The following NLGN1 variants were observed in gnomAD, a reference collection of about 807,000 sequenced individuals.
NLGN1 encodes neuroligin 1.
In NLGN1, 12 loss-of-function variants were observed where a neutral mutation model predicts 65.5. The observed-to-expected ratio is 0.18, with a 90% CI of 0.12 to 0.30. The LOEUF is 0.30. NLGN1 is among the 10% of genes least tolerant of loss of function. NLGN1 has a pLI of 1.00. For synonymous variants in NLGN1, 350 were observed against 359.5 expected (o/e 0.97, Z 0.30); for missense variants, 750 against 1,007.1 (o/e 0.74, Z 3.46).
chr3:173,660,310 T>C (rs754814656), intron 3 of NLGN1, among the ~76,000 whole-genome samples: 2 of 151,804 alleles, frequency 1.3e-5, no homozygotes, highest in African/African-American at 2.4e-5. Context: ...AGGGGGAAGC[T>C]GGTTATCAAA....
intron 4 of NLGN1, among the ~76,000 whole-genome samples, chr3:174,205,159 A>G (rs1325286360): frequency 6.6e-6 from 1 of 152,194 alleles, no homozygotes; most frequent in African/African-American, 2.4e-5. Context: ...ACATGAAAAT[A>G]CATTGTGGTT....
At chr3:174,112,723 A>G (rs1008063397) in intron 4 of NLGN1, among the ~76,000 whole-genome samples, 11 of 152,112 alleles carry the variant, frequency 7.2e-5, no homozygotes, top group African/African-American at 2.6e-4. Context: ...AGAAGTCCTT[A>G]TTTATAAGCT....
At chr3:174,171,159 A>G (rs1231358264) in intron 4 of NLGN1, among the ~76,000 whole-genome samples, 1 of 152,164 alleles carries the variant, frequency 6.6e-6, no homozygotes, top group Non-Finnish European at 1.5e-5. Flanking sequence ...TGTTTCTGAG[A>G]GTAATAAATC....
intron 3 of NLGN1, among the ~76,000 whole-genome samples, chr3:173,616,188 A>C (rs1213258364): frequency 1.3e-5 from 2 of 152,160 alleles, no homozygotes; most frequent in Admixed American, 6.6e-5. Context: ...AGGCTAATGT[A>C]GTCTATGGGA....
intron 2 of NLGN1, among the ~76,000 whole-genome samples, chr3:173,538,595 G>C (rs925044180): frequency 1.3e-5 from 2 of 152,110 alleles, no homozygotes; most frequent in African/African-American, 4.8e-5. Flanking sequence ...CTACCACTAG[G>C]TAACTGGCTG....
In NLGN1 at chr3:173,794,408, G is replaced by A. The variant is rs888094594; in HGVS notation, c.494-13272G>A. Among the ~76,000 whole-genome samples, 12 of 152,036 alleles carry A rather than the reference G, an allele frequency of 7.9e-5. 1 individual carries two copies. The highest frequency in any genetic ancestry group is 1.0e-4 in the Non-Finnish European group (7 of 68,000). Reference sequence around the variant, plus strand: ...TTAAACAGCTGGATGACAGAATATTGCAACCATGGCAGGGAGGTTGGATTA... The same window carrying A: ...TTAAACAGCTGGATGACAGAATATTACAACCATGGCAGGGAGGTTGGATTA... On this transcript the variant is annotated intron_variant, in intron 3 of 6. Coordinates refer to ENST00000457714, the Ensembl canonical transcript of NLGN1.
At chr3:173,759,602 G>T (rs114757378) in intron 3 of NLGN1, among the ~76,000 whole-genome samples, 2 of 151,976 alleles carry the variant, frequency 1.3e-5, no homozygotes, top group African/African-American at 2.4e-5. Context: ...TATTGGCCAC[G>T]TAGCCATCTA....
At chr3:173,702,728 A>G (rs992631739) in intron 3 of NLGN1, among the ~76,000 whole-genome samples, 3 of 152,158 alleles carry the variant, frequency 2.0e-5, no homozygotes, top group Admixed American at 6.5e-5. Flanking sequence ...AGGTTTGTGG[A>G]TGACACTTCA....
intron 4 of NLGN1, among the ~76,000 whole-genome samples, chr3:173,962,057 C>T (rs886563261): frequency 1.3e-5 from 2 of 152,014 alleles, no homozygotes; most frequent in Non-Finnish European, 2.9e-5. Flanking sequence ...CTTTTTACTT[C>T]ATGGACCTTT....
chr3:174,185,467 T>G (rs1561241494), intron 4 of NLGN1, among the ~76,000 whole-genome samples: 1 of 152,096 alleles, frequency 6.6e-6, no homozygotes, highest in African/African-American at 2.4e-5. Context: ...AAATTAAAAT[T>G]TAAATAACAG....
intron 4 of NLGN1, among the ~76,000 whole-genome samples, chr3:174,139,373 CT>C (rs762857257): frequency 1.9e-4 from 29 of 152,006 alleles, no homozygotes; most frequent in Non-Finnish European, 3.4e-4. Flanking sequence ...CGATACATAG[CT>C]TTTTCTGATT....
intron 4 of NLGN1, among the ~76,000 whole-genome samples, chr3:174,150,605 C>G (rs1724136300): frequency 6.6e-6 from 1 of 152,102 alleles, no homozygotes; most frequent in South Asian, 2.1e-4. Context: ...GAAAGTTACA[C>G]AGCATAATCG....
intron 4 of NLGN1, among the ~76,000 whole-genome samples, chr3:173,815,127 C>CA (rs1277285844): frequency 7.7e-6 from 1 of 129,662 alleles, no homozygotes; most frequent in Non-Finnish European, 1.7e-5. Context: ...CTTCCTTTTT[C>CA]TTTTTTTTTT....
intron 4 of NLGN1, among the ~76,000 whole-genome samples, chr3:174,181,814 T>G (rs947854466): frequency 9.0e-6 from 1 of 111,634 alleles, no homozygotes; most frequent in African/African-American, 3.9e-5. Context: ...CACATATGTA[T>G]GTACACACAA....
At chr3:173,476,638 C>T (rs1268100427) in intron 2 of NLGN1, among the ~76,000 whole-genome samples, 1 of 152,132 alleles carries the variant, frequency 6.6e-6, no homozygotes, top group African/African-American at 2.4e-5. Flanking sequence ...AAGGGTCTTC[C>T]TGTGCTACAC....
intron 2 of NLGN1, among the ~76,000 whole-genome samples, chr3:173,577,039 G>A (rs912989868): frequency 2.0e-5 from 3 of 152,096 alleles, no homozygotes; most frequent in Non-Finnish European, 4.4e-5. Context: ...TTATCTTCTT[G>A]TGCTTTTTTC....
intron 3 of NLGN1, among the ~76,000 whole-genome samples, chr3:173,708,914 G>A (rs920310251): frequency 7.9e-5 from 12 of 152,000 alleles, no homozygotes; most frequent in Admixed American, 3.3e-4. Context: ...TGCGTTATTC[G>A]GTATATTAAT....
chr3:173,684,316 C>T (rs1764384541), intron 3 of NLGN1, among the ~76,000 whole-genome samples: 1 of 152,022 alleles, frequency 6.6e-6, no homozygotes, highest in Admixed American at 6.6e-5. Flanking sequence ...GTGTTTTAAA[C>T]AGACTGATTT....
chr3:173,563,091 C>T (rs1016402075), intron 2 of NLGN1, among the ~76,000 whole-genome samples: 1 of 152,112 alleles, frequency 6.6e-6, no homozygotes, highest in African/African-American at 2.4e-5. Context: ...TTGCAGTGTC[C>T]AGCAAATCAA....
Sources: allele counts gnomAD v4.1 joint callset (sites outside exome capture counted in the v4.1 genomes callset), GRCh38; gene constraint gnomAD v4.1.1; transcripts MANE v1.5; gene names NCBI Gene and HGNC (gene_info 2026-07-23, HGNC 2026-07-21).